C6orf58: variants seen among roughly 807,000 people sequenced by gnomAD.
C6orf58 encodes the protein chromosome 6 open reading frame 58.
Under a neutral mutation model 37.0 loss-of-function variants are expected in C6orf58, and 30 were observed. That is an observed-to-expected ratio of 0.81 (90% CI 0.61 to 1.10). The LOEUF (loss-of-function observed/expected upper bound fraction) is 1.10. Among genes scored for constraint, C6orf58 ranks in the 50% least tolerant of loss-of-function variants. The probability of loss-of-function intolerance (pLI) is 0.00; values close to 1 mark genes in which losing one functional copy is unlikely to be tolerated. For synonymous variants in C6orf58, 143 were observed against 134.1 expected (o/e 1.07, Z -0.46); for missense variants, 368 against 387.5 (o/e 0.95, Z 0.42).
intron 5 of C6orf58, among the ~76,000 whole-genome samples, chr6:127,591,270 C>T (rs2114303107): frequency 6.6e-6 from 1 of 152,140 alleles, no homozygotes; most frequent in East Asian, 1.9e-4. Flanking sequence ...ATAACAATGA[C>T]ATTTTATATA....
chr6:127,584,432 C>G (rs1775083422), intron 4 of C6orf58, among the ~76,000 whole-genome samples: 1 of 152,086 alleles, frequency 6.6e-6, no homozygotes, highest in Non-Finnish European at 1.5e-5. Flanking sequence ...CTTTTAGGAC[C>G]CAGGAAGGAC....
chr6:127,590,972 G>A (rs1473303556), intron 5 of C6orf58, among the ~76,000 whole-genome samples: 1 of 152,076 alleles, frequency 6.6e-6, no homozygotes, highest in Admixed American at 6.6e-5. Context: ...TAAAAATGGA[G>A]TAAATTAAAC....
rs1184824383 is a variant in C6orf58, at chr6:127,581,276, A to C, written c.668A>C (p.Glu223Ala). 4.1e-6 allele frequency: 6 copies of C among 1,457,616 alleles called. No homozygotes were observed. Among genetic ancestry groups the C allele is most frequent in the Non-Finnish European group, 5.6e-6 (6 of 1,070,496 alleles). 90.3% of individuals were successfully genotyped at this position (1,457,616 alleles called of 1,614,324 possible). Residue 223 changes from glutamate to alanine, a missense_variant, in exon 4 of 6, where the codon GAA (glutamate) becomes GCA (alanine). Glu to Ala is a moderately radical substitution (Grantham distance 107). Transcript: ENST00000329722. ...TTGGCAGATAATATCAAAAGTTTTG[A>C]AGACAGGTAAGAATGAATCTTTAAA... ...STLADNIKSF[E>A]DRYDYYSKAE... is the part of the protein sequence containing the mutation.
At chr6:127,585,802 T>C (rs967564513) in intron 4 of C6orf58, among the ~76,000 whole-genome samples, 5 of 152,182 alleles carry the variant, frequency 3.3e-5, no homozygotes, top group Admixed American at 2.6e-4. Context: ...TTCACAAGAT[T>C]TATCTTTCAC....
chr6:127,584,688 T>C (rs1583129636), intron 4 of C6orf58, among the ~76,000 whole-genome samples: 1 of 151,248 alleles, frequency 6.6e-6, no homozygotes, highest in East Asian at 1.9e-4. Flanking sequence ...GCAGAAGAAT[T>C]GCTTGAACCC....
intron 4 of C6orf58, among the ~76,000 whole-genome samples, chr6:127,585,294 A>G (rs1775095790): frequency 6.6e-6 from 1 of 152,228 alleles, no homozygotes; most frequent in African/African-American, 2.4e-5. Flanking sequence ...TTTGAGGTCA[A>G]TAAAAATACT....
rs1274443089 is a variant in C6orf58, at chr6:127,590,139, G to A, written c.727G>A (p.Ala243Thr). The A allele has an allele frequency of 6.2e-7, 1 of 1,613,558 alleles. No homozygotes were observed. Among genetic ancestry groups the A allele is most frequent in the Non-Finnish European group, 8.5e-7 (1 of 1,179,772 alleles). The change falls in exon 5 of 6, where the codon GCT becomes ACT. Residue 243 changes from alanine to threonine, a missense_variant. Transcript: ENST00000329722. The stretch of plus-strand genomic sequence containing the variant: ...GCATTTTGAGAGAAGTTGGGTACTG[G>A]CTGTGGATCATTTAGCTGCAGTCCT... Reference protein sequence around the residue: ...EAHFERSWVLAVDHLAAVLFP... With the variant: ...EAHFERSWVLTVDHLAAVLFP...
At chr6:127,582,761 C>A (rs1752149629) in intron 4 of C6orf58, among the ~76,000 whole-genome samples, 1 of 152,070 alleles carries the variant, frequency 6.6e-6, no homozygotes, top group South Asian at 2.1e-4. Flanking sequence ...AGTTGCAGAC[C>A]AATATCCAGT....
rs1236369187 is a variant in C6orf58, at chr6:127,580,246, A to G, written c.389-19A>G. On this transcript the variant is annotated intron_variant, in intron 2 of 5. Coordinates refer to ENST00000329722, the MANE Select transcript of C6orf58 (RefSeq NM_001010905.3). ...ATTTGTTAGTGCTTGTAGTAATAGT[A>G]AATCTTTTGTTCTTACAGATTTGAA... The G allele has an allele frequency of 1.3e-6, 2 of 1,587,000 alleles. No homozygotes were observed. Among genetic ancestry groups the G allele is most frequent in the South Asian group, 1.1e-5 (1 of 88,608 alleles).
intron 1 of C6orf58, 86 bp from the exon 2 acceptor site, chr6:127,578,600 A>T (rs1775014547): frequency 2.4e-6 from 2 of 833,682 alleles, no homozygotes; most frequent in African/African-American, 3.4e-5. Flanking sequence ...TTGTATCTAC[A>T]AACAAAATCT....
At chr6:127,581,523 A>G (rs1320280052) in intron 4 of C6orf58, among the ~76,000 whole-genome samples, 1 of 151,958 alleles carries the variant, frequency 6.6e-6, no homozygotes, top group East Asian at 1.9e-4. Flanking sequence ...ACAAAAAAAA[A>G]AGCAACAGAC....
intron 4 of C6orf58, among the ~76,000 whole-genome samples, chr6:127,586,642 A>G (rs909751070): frequency 6.6e-6 from 1 of 152,248 alleles, no homozygotes; most frequent in African/African-American, 2.4e-5. Flanking sequence ...TATGGTTCCA[A>G]TAACTTCAAG....
chr6:127,580,291 C>T lies in C6orf58; in HGVS notation c.415C>T (p.Pro139Ser). Residue 139 changes from proline to serine, a missense_variant, in exon 3 of 6, where the codon CCC (proline) becomes TCC (serine). Transcript: ENST00000329722. Reference sequence around the variant, plus strand: ...TTTGAATTATTTTCTGTCTTCATTACCCTTTCTTGCTGCGGTTGATTCTGG... The same window carrying T: ...TTTGAATTATTTTCTGTCTTCATTATCCTTTCTTGCTGCGGTTGATTCTGG... ...ADLNYFLSSL[P>S]FLAAVDSGVM... The T allele has an allele frequency of 1.2e-6, 2 of 1,611,620 alleles. No individual in the cohort carries two copies. The highest frequency in any genetic ancestry group is 1.1e-5 in the South Asian group (1 of 90,824).
In C6orf58 at chr6:127,578,695, C is replaced by G; in HGVS notation, c.311C>G (p.Ala104Gly). The G allele has an allele frequency of 2.5e-6, 4 of 1,612,028 alleles. No individual in the cohort carries two copies. The highest frequency in any genetic ancestry group is 3.4e-6 in the Non-Finnish European group (4 of 1,178,452). The change falls in exon 2 of 6, where the codon GCT (alanine) becomes GGT (glycine). Residue 104 changes from alanine (A) to glycine (G), a missense_variant. Physicochemically the swap from Ala to Gly is moderately conservative, Grantham distance 60 (BLOSUM62 0). Transcript: ENST00000329722. ...YGWQYRTGRL[A>G]DPTRRTNCGY... ...ATCCTCTCTCCTCCAGGCAGATTAG[C>G]TGATCCAACCCGAAGGACAAACTGT...
At position 127,591,765 on chromosome 6, in the gene C6orf58, T is replaced by A; in HGVS notation, c.*143T>A. 1 of 708,886 alleles carries A rather than the reference T, an allele frequency of 1.4e-6. No individual in the cohort carries two copies. The highest frequency in any genetic ancestry group is 2.0e-6 in the Non-Finnish European group (1 of 503,742). The allele number at this position is 708,886 out of a possible 1,614,324, so 43.9% of individuals were successfully genotyped here. A position where few individuals can be genotyped will look rare whatever the true frequency, so the allele number is the denominator to read the frequency against. On this transcript the variant is annotated 3_prime_UTR_variant, in exon 6 of 6. Coordinates refer to ENST00000329722, the MANE Select transcript of C6orf58 (RefSeq NM_001010905.3). ...GATATTTTTGATTTATGCTTATTTG[T>A]TAAGATCTTGTACATGTATTAAAAA...
intron 2 of C6orf58, among the ~76,000 whole-genome samples, chr6:127,579,006 G>A (rs1775020209): frequency 6.6e-6 from 1 of 152,072 alleles, no homozygotes; most frequent in Non-Finnish European, 1.5e-5. Flanking sequence ...CGAAAACAAG[G>A]TTCTGCAAAA....
intron 1 of C6orf58, among the ~76,000 whole-genome samples, chr6:127,577,903 A>G (rs544320168): frequency 2.6e-5 from 4 of 152,304 alleles, no homozygotes; most frequent in Non-Finnish European, 5.9e-5. Flanking sequence ...GTTATAAAGA[A>G]GCATCACATT....
Position 127,590,224 on chromosome 6 carries a change from T to C in C6orf58, c.812T>C (p.Leu271Pro), listed in dbSNP as rs1217888595. The C allele has an allele frequency of 3.7e-6, 6 of 1,613,828 alleles. No individual in the cohort carries two copies. Among genetic ancestry groups the C allele is most frequent in the Middle Eastern group, 1.7e-4 (1 of 6,058 alleles). Residue 271 changes from leucine to proline, a missense_variant, in exon 5 of 6, where the codon CTT (leucine) becomes CCT (proline). Leu to Pro is a moderately conservative substitution (Grantham distance 98). Coordinates refer to ENST00000329722, the MANE Select transcript of C6orf58 (RefSeq NM_001010905.3). ...CAGAAGGGCATGCCACCACGAATTC[T>C]TCTTAATACTGATGTAGCCCCTTTC... ...KFQKGMPPRI[L>P]LNTDVAPFIS...
chr6:127,587,363 A>G (rs1003857688), intron 4 of C6orf58, among the ~76,000 whole-genome samples: 1 of 152,232 alleles, frequency 6.6e-6, no homozygotes, highest in African/African-American at 2.4e-5. Context: ...TGCACTATTA[A>G]GAAAGCTAAA....
Sources: allele counts gnomAD v4.1 joint callset (sites outside exome capture counted in the v4.1 genomes callset), GRCh38; gene constraint gnomAD v4.1.1; transcripts MANE v1.5; gene names NCBI Gene and HGNC (gene_info 2026-07-23, HGNC 2026-07-21).